Variants in NTM observed in about 807,000 individuals in gnomAD.
NTM encodes the protein IgLON family member 2.
NTM carries 13 observed loss-of-function variants against 42.1 expected under a neutral mutation model. The observed-to-expected ratio is 0.31, with a 90% CI of 0.20 to 0.49. The LOEUF is 0.49. NTM is among the 20% of genes least tolerant of loss of function. NTM has a pLI of 0.99. For synonymous variants in NTM, 187 were observed against 179.2 expected, an observed-to-expected ratio of 1.04 and a Z score of -0.35; for missense variants, 373 against 452.8, an observed-to-expected ratio of 0.82 and a Z score of 1.60.
intron 2 of NTM, among the ~76,000 whole-genome samples, chr11:132,106,806 T>A (rs2062431568): frequency 6.6e-6 from 1 of 152,236 alleles, no homozygotes; most frequent in Admixed American, 6.5e-5. Flanking sequence ...ATGTCTTTGA[T>A]GACTCTTCGC....
At chr11:131,976,030 A>T (rs1409907944) in intron 2 of NTM, among the ~76,000 whole-genome samples, 1 of 152,008 alleles carries the variant, frequency 6.6e-6, no homozygotes, top group African/African-American at 2.4e-5. Context: ...CTCAAAAAGA[A>T]CCCAGTGGCC....
intron 1 of NTM, among the ~76,000 whole-genome samples, chr11:131,707,059 T>C (rs1158340668): frequency 1.3e-5 from 2 of 152,060 alleles, no homozygotes; most frequent in Non-Finnish European, 2.9e-5. Context: ...CACCATGCTA[T>C]GTAATAGATC....
chr11:131,821,858 C>T (rs959566182), intron 1 of NTM, among the ~76,000 whole-genome samples: 6 of 152,280 alleles, frequency 3.9e-5, no homozygotes, highest in African/African-American at 1.2e-4. Flanking sequence ...TTTCACAGAA[C>T]TTTCTTAGGT....
intron 1 of NTM, among the ~76,000 whole-genome samples, chr11:131,754,049 G>C (rs1284790727): frequency 4.9e-5 from 7 of 143,902 alleles, no homozygotes; most frequent in East Asian, 2.1e-4. Context: ...ACCAAACACC[G>C]CATGTTCTCA....
At chr11:131,530,909 G>T (rs1186914612) in intron 1 of NTM, among the ~76,000 whole-genome samples, 2 of 152,230 alleles carry the variant, frequency 1.3e-5, no homozygotes, top group Non-Finnish European at 2.9e-5. Flanking sequence ...CTTGCTAGAG[G>T]TGGGAGAGAA....
In NTM at chr11:131,859,105, T is replaced by C. The variant is rs182704964; in HGVS notation, c.83-52459T>C. 2.5e-3 allele frequency among the ~76,000 whole-genome samples: 388 copies of C among 152,312 alleles called. 4 individuals carry two copies. The highest frequency in any genetic ancestry group is 0.024 in the Admixed American group (370 of 15,294). ...ATCCATCCATCCATCCGTCCATCCA[T>C]GTGTGCATCCGTCTGTCCGTCTGTC... On this transcript the variant is annotated intron_variant, in intron 1 of 8. Transcript: ENST00000683400.
At chr11:131,522,724 C>G (rs976389387) in intron 1 of NTM, among the ~76,000 whole-genome samples, 1 of 152,202 alleles carries the variant, frequency 6.6e-6, no homozygotes, top group African/African-American at 2.4e-5. Context: ...ACCCTGACTC[C>G]ACTCAGTGCT....
rs376767562 is a variant in NTM, at chr11:131,552,651, T to TA, written c.82+181771dup. Among the ~76,000 whole-genome samples, 1,466 of 151,240 alleles carry TA rather than the reference T, an allele frequency of 9.7e-3. 18 individuals are homozygous for TA. Among genetic ancestry groups the TA allele is most frequent in the African/African-American group, 0.033 (1,348 of 41,236 alleles). On this transcript the variant is annotated intron_variant, in intron 1 of 8. Coordinates refer to ENST00000683400, the MANE Select transcript of NTM (RefSeq NM_001352005.2). ...TAACATGGTGAAACACCGTCTCTAC[T>TA]AAAAAAAATACAAAAAATTAGCCGG...
At chr11:131,803,034 T>C (rs559662605) in intron 1 of NTM, among the ~76,000 whole-genome samples, 1 of 152,308 alleles carries the variant, frequency 6.6e-6, no homozygotes, top group South Asian at 2.1e-4. Context: ...TAGCATGTCA[T>C]GTACCTGGCA....
At position 131,948,180 on chromosome 11, in the gene NTM, T is replaced by C. The variant is rs1277113623; in HGVS notation, c.167+36532T>C. 3.3e-5 allele frequency among the ~76,000 whole-genome samples: 5 copies of C among 151,504 alleles called. No homozygotes were observed. The East Asian group carries it at 7.8e-4, about 24-fold the overall frequency. On this transcript the variant is annotated intron_variant, in intron 2 of 8. Transcript: ENST00000683400. Reference sequence around the variant, plus strand: ...ATCGATACTATCCTGGCTAACACAGTGAAACCCCGTCTCTACTAAAAATAT... The same window carrying C: ...ATCGATACTATCCTGGCTAACACAGCGAAACCCCGTCTCTACTAAAAATAT...
intron 1 of NTM, among the ~76,000 whole-genome samples, chr11:131,766,797 A>T (rs942572208): frequency 4.3e-4 from 66 of 152,114 alleles, no homozygotes; most frequent in African/African-American, 1.5e-3. Flanking sequence ...TTTCAATCAG[A>T]TTCTCTTCAT....
At chr11:131,571,109 T>C (rs1028555444) in intron 1 of NTM, among the ~76,000 whole-genome samples, 2 of 152,190 alleles carry the variant, frequency 1.3e-5, no homozygotes, top group African/African-American at 4.8e-5. Flanking sequence ...AATTATTGAT[T>C]TGAAATGGGG....
intron 3 of NTM, among the ~76,000 whole-genome samples, chr11:132,175,622 C>T (rs1312829177): frequency 2.6e-5 from 4 of 151,558 alleles, no homozygotes; most frequent in Non-Finnish European, 5.9e-5. Flanking sequence ...GAGTCTCGCT[C>T]AGTCGCCCAG....
intron 4 of NTM, 27 bp from the exon 5 acceptor site, chr11:132,307,647 TTTTTCCTTGTATTTC>T (rs759923012): frequency 1.9e-6 from 3 of 1,610,068 alleles, no homozygotes. Context: ...TTTGGTCTTT[TTTTTCCTTGTATTTC>T]ACCACACGTT....
chr11:131,702,945 T>C (rs2076224051), intron 1 of NTM, among the ~76,000 whole-genome samples: 1 of 152,210 alleles, frequency 6.6e-6, no homozygotes, highest in Admixed American at 6.5e-5. Context: ...CAATATAGGA[T>C]TTTTTTGTAT....
rs1482089035 is a variant in NTM at position 132,321,614 on chromosome 11, A to G, written c.934+6911A>G. Among the ~76,000 whole-genome samples the G allele has an allele frequency of 3.9e-5, 6 of 152,212 alleles. No homozygotes were observed. The South Asian group carries it at 6.2e-4, about 16-fold the overall frequency. ...GTTGGAAAACATTCTGCAGAATATT[A>G]TCCAGGAGAATTTCCCCAATCTAGC... On this transcript the variant is annotated intron_variant, in intron 7 of 8. Transcript: ENST00000683400.
At chr11:131,859,737 G>A (rs73583990) in intron 1 of NTM, among the ~76,000 whole-genome samples, 2,379 of 152,206 alleles carry the variant, frequency 0.016, 55 homozygotes, top group African/African-American at 0.055. Flanking sequence ...TATGTAAAAG[G>A]CTTTGCAAAT....
At chr11:131,818,829 T>C (rs543076551) in intron 1 of NTM, among the ~76,000 whole-genome samples, 1 of 152,326 alleles carries the variant, frequency 6.6e-6, no homozygotes, top group African/African-American at 2.4e-5. Flanking sequence ...GTCTTCTCTC[T>C]GCCTTTTACT....
intron 1 of NTM, among the ~76,000 whole-genome samples, chr11:131,714,159 G>A (rs2077445870): frequency 6.6e-6 from 1 of 152,112 alleles, no homozygotes; most frequent in African/African-American, 2.4e-5. Flanking sequence ...GTACCTGGAA[G>A]CTGCTGATCA....
Sources: allele counts gnomAD v4.1 joint callset (sites outside exome capture counted in the v4.1 genomes callset), GRCh38; gene constraint gnomAD v4.1.1; transcripts MANE v1.5; gene names NCBI Gene and HGNC (gene_info 2026-07-23, HGNC 2026-07-21).